SRPK2: variants seen among roughly 807,000 people sequenced by gnomAD.
The protein encoded by SRPK2 is SRSF protein kinase 2.
In SRPK2, 21 loss-of-function variants were observed where a neutral mutation model predicts 90.8. The observed-to-expected ratio is 0.23, with a 90% CI of 0.16 to 0.33. The LOEUF (loss-of-function observed/expected upper bound fraction) is 0.33, where lower values mean the gene tolerates loss of function less well. SRPK2 is among the 10% of genes least tolerant of loss of function. The pLI is 1.00. For missense variants in SRPK2, 620 were observed against 869.0 expected (o/e 0.71, Z 3.60); for synonymous variants, 288 against 311.1 (o/e 0.93, Z 0.78).
chr7:105,363,677 G>C (rs530487739), intron 2 of SRPK2, among the ~76,000 whole-genome samples: 1 of 152,108 alleles, frequency 6.6e-6, no homozygotes, highest in Admixed American at 6.6e-5. Context: ...CTCATTACTG[G>C]GTATATACCC....
intron 2 of SRPK2, chr7:105,301,561 C>T (rs533975316): frequency 1.3e-5 from 21 of 1,574,126 alleles, no homozygotes; most frequent in South Asian, 1.1e-4. Flanking sequence ...AGAAGCATTA[C>T]GCTCTATTTA....
intron 2 of SRPK2, among the ~76,000 whole-genome samples, chr7:105,256,664 G>A (rs751222023): frequency 6.6e-6 from 1 of 152,078 alleles, no homozygotes; most frequent in Non-Finnish European, 1.5e-5. Flanking sequence ...AGCCACACAA[G>A]CATTTAAAAT....
chr7:105,216,669 AAGAG>A (rs1274316428), intron 2 of SRPK2, among the ~76,000 whole-genome samples: 32 of 149,308 alleles, frequency 2.1e-4, no homozygotes, highest in East Asian at 1.2e-3. Flanking sequence ...AAAAAAAAAA[AAGAG>A]AGAGAGAGAG....
chr7:105,143,049 A>G (rs1386481217), intron 10 of SRPK2, 35 bp downstream of exon 10: 1 of 1,601,728 alleles, frequency 6.2e-7, no homozygotes, highest in African/African-American at 1.3e-5. Context: ...GAGCTCTGAG[A>G]ACCCCATGCA....
chr7:105,156,731 T>C (rs1434475077), intron 7 of SRPK2, among the ~76,000 whole-genome samples: 2 of 152,170 alleles, frequency 1.3e-5, no homozygotes, highest in Non-Finnish European at 2.9e-5. Context: ...CTTGAACTCC[T>C]GGTCTCAAGA....
chr7:105,254,107 G>A (rs1032832870), intron 2 of SRPK2, among the ~76,000 whole-genome samples: 1 of 152,192 alleles, frequency 6.6e-6, no homozygotes, highest in African/African-American at 2.4e-5. Flanking sequence ...GTAAATGCTT[G>A]ACTGAATATA....
intron 7 of SRPK2, among the ~76,000 whole-genome samples, chr7:105,158,655 G>A (rs557054172): frequency 5.9e-5 from 9 of 152,158 alleles, no homozygotes; most frequent in African/African-American, 9.7e-5. Flanking sequence ...GGAAATGATG[G>A]AGCCTGCGGG....
chr7:105,232,057 T>C (rs1799487950), intron 2 of SRPK2, among the ~76,000 whole-genome samples: 1 of 152,194 alleles, frequency 6.6e-6, no homozygotes, highest in South Asian at 2.1e-4. Flanking sequence ...TCTTGCTATG[T>C]TGCCTAGACT....
chr7:105,353,064 T>C (rs184943687), intron 2 of SRPK2, among the ~76,000 whole-genome samples: 56 of 152,288 alleles, frequency 3.7e-4, no homozygotes, highest in African/African-American at 1.3e-3. Flanking sequence ...ATAAATCCCT[T>C]ATTATCTAAG....
chr7:105,233,075 G>GA lies in SRPK2; in HGVS notation c.72-29291dup, dbSNP rs1239899976. Among the ~76,000 whole-genome samples the GA allele has an allele frequency of 1.3e-4, 19 of 140,828 alleles. 1 individual carries two copies. The highest frequency in any genetic ancestry group is 4.3e-4 in the African/African-American group (16 of 37,418). The allele number at this position is 140,828 out of a possible 152,430, so 92.4% of individuals were successfully genotyped here. A position where few individuals can be genotyped will look rare whatever the true frequency, so the allele number is the denominator to read the frequency against. On this transcript the variant is annotated intron_variant, in intron 2 of 15. Coordinates refer to ENST00000393651, the MANE Select transcript of SRPK2 (RefSeq NM_182692.3). ...GAGAGGGAGGGAGCAAGGAAGGAAGGAAGGAAAGGAAGGAAAGAAGGAAGG... is the reference window on the plus strand; with the variant it reads ...GAGAGGGAGGGAGCAAGGAAGGAAGGAAAGGAAAGGAAGGAAAGAAGGAAGG...
chr7:105,265,234 T>C (rs1002484996), intron 2 of SRPK2, among the ~76,000 whole-genome samples: 2 of 152,108 alleles, frequency 1.3e-5, no homozygotes, highest in Non-Finnish European at 2.9e-5. Context: ...ATCAAAAATA[T>C]TTGGGATATA....
At chr7:105,227,929 A>G (rs1030695943) in intron 2 of SRPK2, among the ~76,000 whole-genome samples, 4 of 151,460 alleles carry the variant, frequency 2.6e-5, no homozygotes, top group Admixed American at 2.0e-4. Context: ...ACTAACAACG[A>G]TAAGACTCCA....
chr7:105,142,379 G>T lies in SRPK2; in HGVS notation c.1172C>A (p.Ser391Ter). The change falls in exon 11 of 16, where the codon TCA becomes TAA. Residue 391 changes from serine (S) to a stop codon, truncating the protein, a stop_gained. Transcript: ENST00000393651. LOFTEE classifies it high-confidence loss of function. ...LANIDPTWIE[S>*]PKTNGHIENG... is the part of the protein sequence containing the mutation. ...CTCAATATGGCCATTGGTTTTAGGT[G>T]ATTCTATCCACGTAGGGTCTATGTT... The T allele has an allele frequency of 1.9e-6, 3 of 1,614,048 alleles. No individual in the cohort carries two copies. The highest frequency in any genetic ancestry group is 2.5e-6 in the Non-Finnish European group (3 of 1,180,008).
intron 2 of SRPK2, among the ~76,000 whole-genome samples, chr7:105,254,441 C>T (rs1440867840): frequency 6.6e-6 from 1 of 152,198 alleles, no homozygotes; most frequent in East Asian, 1.9e-4. Flanking sequence ...ATTGGCTTCA[C>T]AAGTGATTCC....
At chr7:105,388,952 G>A (rs1183572142), upstream of SRPK2, 6 of 1,167,538 alleles carry the variant, frequency 5.1e-6, no homozygotes, top group African/African-American at 1.6e-5. Context: ...GCTCCAGCAG[G>A]GACCCAGCAA....
chr7:105,258,762 A>G (rs898964890), intron 2 of SRPK2, among the ~76,000 whole-genome samples: 2 of 152,214 alleles, frequency 1.3e-5, no homozygotes, highest in South Asian at 2.1e-4. Context: ...TCCATCACAT[A>G]AAAACAGAAC....
At chr7:105,126,090 G>A (rs1212758804) in intron 15 of SRPK2, among the ~76,000 whole-genome samples, 158 bp downstream of exon 15, 2 of 152,202 alleles carry the variant, frequency 1.3e-5, no homozygotes, top group African/African-American at 2.4e-5. Context: ...AGGGCTAAAT[G>A]TGGTCTTCCC....
intron 2 of SRPK2, among the ~76,000 whole-genome samples, chr7:105,256,511 AT>A (rs1002907326): frequency 3.9e-5 from 6 of 152,108 alleles, no homozygotes; most frequent in Admixed American, 1.3e-4. Flanking sequence ...ACACATCACC[AT>A]GCCCAACTTA....
chr7:105,288,413 GT>G (rs1808464415), intron 2 of SRPK2, among the ~76,000 whole-genome samples: 1 of 152,086 alleles, frequency 6.6e-6, no homozygotes, highest in South Asian at 2.1e-4. Flanking sequence ...GGCCAACACA[GT>G]GAACCCTATC....
Sources: allele counts gnomAD v4.1 joint callset (sites outside exome capture counted in the v4.1 genomes callset), GRCh38; gene constraint gnomAD v4.1.1; transcripts MANE v1.5; gene names NCBI Gene and HGNC (gene_info 2026-07-23, HGNC 2026-07-21).